Variants in XKR6 observed in about 807,000 individuals in gnomAD.
XKR6 encodes the protein XK-related protein 6.
XKR6 carries 22 observed loss-of-function variants against 56.7 expected under a neutral mutation model. The ratio of observed to expected loss-of-function variants is 0.39; its 90% confidence interval spans 0.28 to 0.55. The LOEUF (loss-of-function observed/expected upper bound fraction) is 0.55, where lower values mean the gene tolerates loss of function less well. Among genes scored for constraint, XKR6 ranks in the 20% least tolerant of loss-of-function variants. The pLI, the probability that XKR6 is intolerant of heterozygous loss-of-function variation, is 0.66. For missense variants in XKR6, 852 were observed against 889.0 expected (o/e 0.96, Z 0.53); for synonymous variants, 524 against 387.8 (o/e 1.35, Z -4.13).
intron 2 of XKR6, among the ~76,000 whole-genome samples, chr8:10,909,889 G>C (rs545106832): frequency 3.7e-4 from 57 of 152,176 alleles, no homozygotes; most frequent in African/African-American, 1.3e-3. Flanking sequence ...CTATTTTTCA[G>C]AGGAAGGAAT....
chr8:11,071,608 C>T (rs950792873), intron 1 of XKR6, among the ~76,000 whole-genome samples: 1 of 147,130 alleles, frequency 6.8e-6, no homozygotes, highest in African/African-American at 2.5e-5. Flanking sequence ...GTCTATCAGC[C>T]CCGAGTCCAT....
intron 1 of XKR6, among the ~76,000 whole-genome samples, chr8:10,933,489 T>C (rs1245701386): frequency 1.3e-3 from 173 of 128,866 alleles, no homozygotes; most frequent in African/African-American, 5.5e-3. Flanking sequence ...ATGTCCTGAG[T>C]GGTAATGCCT....
At chr8:10,911,743 G>C (rs538239801) in intron 2 of XKR6, among the ~76,000 whole-genome samples, 4 of 147,644 alleles carry the variant, frequency 2.7e-5, no homozygotes, top group African/African-American at 5.0e-5. Flanking sequence ...TATATAGAGA[G>C]GGCAAGTGTG....
intron 1 of XKR6, among the ~76,000 whole-genome samples, chr8:11,012,559 A>G (rs1418480510): frequency 1.3e-5 from 2 of 152,106 alleles, no homozygotes; most frequent in African/African-American, 2.4e-5. Context: ...CTACCCAGAC[A>G]TTTCCAGTAC....
intron 1 of XKR6, among the ~76,000 whole-genome samples, chr8:11,053,395 G>A (rs565515338): frequency 1.2e-4 from 19 of 152,352 alleles, no homozygotes; most frequent in Non-Finnish European, 2.5e-4. Flanking sequence ...ATCAACCACA[G>A]CAGAGATCAA....
chr8:10,953,139 T>G (rs1046686361), intron 1 of XKR6, among the ~76,000 whole-genome samples: 1 of 152,196 alleles, frequency 6.6e-6, no homozygotes, highest in African/African-American at 2.4e-5. Context: ...AATGTAATAA[T>G]AGTAGAAATA....
At chr8:11,125,444 G>A (rs115255538) in intron 1 of XKR6, among the ~76,000 whole-genome samples, 291 of 152,252 alleles carry the variant, frequency 1.9e-3, no homozygotes, top group African/African-American at 6.6e-3. Flanking sequence ...CTCCATGGTT[G>A]AGTATGAGAT....
rs530156180 is a variant in XKR6 at position 11,101,541 on chromosome 8, G to C, written c.764+99035C>G. On this transcript the variant is annotated intron_variant, in intron 1 of 2. Coordinates refer to ENST00000416569, the MANE Select transcript of XKR6 (RefSeq NM_173683.4). Reference sequence around the variant, plus strand: ...TTGGAAAAACAAGGATGGAGAGATGGAAGACAGGAAATTTTTACTAACCAC... The same window carrying C: ...TTGGAAAAACAAGGATGGAGAGATGCAAGACAGGAAATTTTTACTAACCAC... Among the ~76,000 whole-genome samples the C allele has an allele frequency of 5.3e-5, 8 of 152,294 alleles. No individual in the cohort carries two copies. The South Asian group carries it at 1.7e-3, about 32-fold the overall frequency.
intron 1 of XKR6, among the ~76,000 whole-genome samples, chr8:10,969,178 C>T (rs901303282): frequency 6.6e-6 from 1 of 152,158 alleles, no homozygotes; most frequent in Non-Finnish European, 1.5e-5. Context: ...TTTTTACAAG[C>T]ACTGCAGGGA....
chr8:11,121,053 C>T (rs1160490229), intron 1 of XKR6, among the ~76,000 whole-genome samples: 1 of 152,174 alleles, frequency 6.6e-6, no homozygotes, highest in South Asian at 2.1e-4. Flanking sequence ...GGATTAAAGC[C>T]TTACATGTTA....
chr8:10,981,404 G>C (rs1257925245), intron 1 of XKR6, among the ~76,000 whole-genome samples: 1 of 152,144 alleles, frequency 6.6e-6, no homozygotes, highest in African/African-American at 2.4e-5. Context: ...TATTTCCAAG[G>C]CAGTCAACAA....
intron 1 of XKR6, among the ~76,000 whole-genome samples, chr8:11,082,325 C>T (rs75613023): frequency 2.6e-4 from 40 of 152,284 alleles, no homozygotes; most frequent in East Asian, 2.3e-3. Flanking sequence ...CTTTGCACCC[C>T]GTTACGAATG....
At chr8:10,997,139 A>G (rs946140241) in intron 1 of XKR6, among the ~76,000 whole-genome samples, 4 of 152,104 alleles carry the variant, frequency 2.6e-5, no homozygotes, top group Non-Finnish European at 5.9e-5. Flanking sequence ...CTCCATCATC[A>G]GTACAACCTT....
chr8:11,070,597 T>C (rs1473068090), intron 1 of XKR6, among the ~76,000 whole-genome samples: 3 of 152,166 alleles, frequency 2.0e-5, no homozygotes, highest in Non-Finnish European at 4.4e-5. Flanking sequence ...AGTGCCTCAC[T>C]AGTAGATCCC....
chr8:10,957,392 C>G (rs1036945693), intron 1 of XKR6, among the ~76,000 whole-genome samples: 2 of 152,160 alleles, frequency 1.3e-5, no homozygotes, highest in African/African-American at 4.8e-5. Context: ...TTGGAACACC[C>G]CATTCCCTTC....
intron 1 of XKR6, among the ~76,000 whole-genome samples, chr8:11,018,274 C>T (rs2129147899): frequency 6.6e-6 from 1 of 151,258 alleles, no homozygotes; most frequent in East Asian, 2.0e-4. Flanking sequence ...CCTCAAGAAG[C>T]CCGGTTCATA....
At chr8:11,042,780 T>C (rs555687219) in intron 1 of XKR6, among the ~76,000 whole-genome samples, 18 of 148,412 alleles carry the variant, frequency 1.2e-4, no homozygotes, top group Admixed American at 8.6e-4. Context: ...AGATCTGGGA[T>C]GTGCTACCTG....
At chr8:10,977,795 T>C (rs975731432) in intron 1 of XKR6, among the ~76,000 whole-genome samples, 4 of 151,622 alleles carry the variant, frequency 2.6e-5, no homozygotes, top group East Asian at 3.9e-4. Context: ...TAATAGCACA[T>C]ACCTTCCAAG....
At chr8:11,190,849 A>G (rs1369893908) in intron 1 of XKR6, among the ~76,000 whole-genome samples, 6 of 152,196 alleles carry the variant, frequency 3.9e-5, no homozygotes, top group Non-Finnish European at 2.9e-5. Flanking sequence ...TCACTTCTTC[A>G]TCTGTAAAAT....
Sources: gnomAD v4.1 joint callset for allele counts (sites outside exome capture counted in the v4.1 genomes callset) on GRCh38, gnomAD v4.1.1 for gene constraint, MANE v1.5 for transcripts, NCBI Gene and HGNC (gene_info 2026-07-23, HGNC 2026-07-21) for gene names.